The following CDKL1 variants were observed in gnomAD, a reference collection of about 807,000 sequenced individuals.
CDKL1 encodes cyclin-dependent kinase-like 1.
In CDKL1, 41 loss-of-function variants were observed where a neutral mutation model predicts 42.0. The observed-to-expected ratio is 0.98, with a 90% confidence interval of 0.76 to 1.27. The LOEUF (loss-of-function observed/expected upper bound fraction) is 1.27, where lower values mean the gene tolerates loss of function less well. Among genes scored for constraint, CDKL1 ranks in the 50% most tolerant of loss-of-function variants. CDKL1 has a pLI of 0.00. For synonymous variants in CDKL1, 153 were observed against 158.6 expected, an observed-to-expected ratio of 0.96 and a Z score of 0.26; for missense variants, 394 against 428.4, an observed-to-expected ratio of 0.92 and a Z score of 0.71.
chr14:50,384,907 C>A (rs560050917), intron 2 of CDKL1, among the ~76,000 whole-genome samples: 1 of 151,502 alleles, frequency 6.6e-6, no homozygotes, highest in South Asian at 2.1e-4. Flanking sequence ...CCCGTCTCTA[C>A]TAAAAATGCA....
Position 50,395,968 on chromosome 14 carries a change from TGAGGTCAG to T in CDKL1, c.-108_-101del, listed in dbSNP as rs1039299866. 6 of 1,164,700 alleles carry T rather than the reference TGAGGTCAG, an allele frequency of 5.2e-6. 1 individual carries two copies. The Admixed American group carries it at 1.2e-4, about 23-fold the overall frequency. 72.1% of individuals were successfully genotyped at this position (1,164,700 alleles called of 1,614,324 possible). A position where few individuals can be genotyped will look rare whatever the true frequency, so the allele number is the denominator to read the frequency against. On this transcript the variant is annotated 5_prime_UTR_variant, in exon 2 of 10. It removes the in-frame stop codon of an upstream open reading frame in the 5' UTR. Coordinates refer to ENST00000395834, the MANE Select transcript of CDKL1 (RefSeq NM_004196.7). ...GGGAGGCTGAGGCGGGCAGATCACCTGAGGTCAGGAGTTCGAGACCAGTCTGGCCAACA... is the reference window on the plus strand; with the variant it reads ...GGGAGGCTGAGGCGGGCAGATCACCTGAGTTCGAGACCAGTCTGGCCAACA...
At chr14:50,365,592 C>T (rs1317744320) in intron 2 of CDKL1, among the ~76,000 whole-genome samples, 2 of 152,080 alleles carry the variant, frequency 1.3e-5, no homozygotes, top group Non-Finnish European at 2.9e-5. Flanking sequence ...GAAGCCAGTC[C>T]CCGTCTAGCT....
chr14:50,392,554 G>A lies in CDKL1; in HGVS notation c.168+3147C>T, dbSNP rs1033587418. Among the ~76,000 whole-genome samples, 4 of 151,792 alleles carry A rather than the reference G, an allele frequency of 2.6e-5. No homozygotes were observed. In the East Asian group the frequency reaches 5.8e-4, roughly 22 times the overall value. On this transcript the variant is annotated intron_variant, in intron 2 of 9. Coordinates refer to ENST00000395834, the MANE Select transcript of CDKL1 (RefSeq NM_004196.7). ...ATCGCCTCTTCTTGCCTCCCTTGCCGGTTCCTTTTCATCTTCCTGACCCCC... is the reference window on the plus strand; with the variant it reads ...ATCGCCTCTTCTTGCCTCCCTTGCCAGTTCCTTTTCATCTTCCTGACCCCC...
Position 50,329,880 on chromosome 14 carries a change from G to T in CDKL1, c.*194C>A. The T allele has an allele frequency of 1.6e-6, 1 of 626,820 alleles. No homozygotes were observed. 38.8% of individuals were successfully genotyped at this position (626,820 alleles called of 1,614,324 possible). On this transcript the variant is annotated 3_prime_UTR_variant, in exon 10 of 10. Transcript: ENST00000395834. ...CTCCAAACAGGTTTTTTCTTTTCTG[G>T]ACACCATCATCAAGCATGGAAGACT...
At chr14:50,385,209 G>A (rs1334106464) in intron 2 of CDKL1, among the ~76,000 whole-genome samples, 3 of 150,096 alleles carry the variant, frequency 2.0e-5, no homozygotes, top group African/African-American at 7.3e-5. Context: ...TTTTACAATT[G>A]AGAAATATGG....
intron 2 of CDKL1, chr14:50,390,195 A>G (rs1285550074): frequency 7.3e-7 from 1 of 1,365,606 alleles, no homozygotes; most frequent in Admixed American, 1.9e-5. Flanking sequence ...CTGGAGGGAG[A>G]CATGTCATAG....
upstream of CDKL1, chr14:50,397,180 G>A (rs1193333667): frequency 2.2e-6 from 3 of 1,366,472 alleles, no homozygotes; most frequent in Non-Finnish European, 2.9e-6. Context: ...AGCCCCTCCT[G>A]AGCGGTCCAC....
intron 2 of CDKL1, among the ~76,000 whole-genome samples, chr14:50,370,744 C>T (rs1262374151): frequency 1.3e-5 from 2 of 152,120 alleles, no homozygotes; most frequent in East Asian, 3.8e-4. Flanking sequence ...TGTCACATGG[C>T]AAAACCAAGA....
chr14:50,361,928 T>G (rs2034261631), intron 2 of CDKL1, among the ~76,000 whole-genome samples: 1 of 152,190 alleles, frequency 6.6e-6, no homozygotes, highest in African/African-American at 2.4e-5. Flanking sequence ...CGGAGCCGGC[T>G]CCCTCAGCTT....
chr14:50,338,874 G>T, intron 7 of CDKL1, 73 bp downstream of exon 7: 1 of 952,032 alleles, frequency 1.1e-6, no homozygotes, highest in Non-Finnish European at 1.7e-6. Context: ...GAGCCATGGG[G>T]CTCAGGAGGT....
At chr14:50,387,035 A>AAAAAG (rs1383027864) in intron 2 of CDKL1, among the ~76,000 whole-genome samples, 1 of 151,308 alleles carries the variant, frequency 6.6e-6, no homozygotes, top group Non-Finnish European at 1.5e-5. Flanking sequence ...TCAAAAAGAA[A>AAAAAG]AAAAAAAAAA....
rs139891652 is a variant in CDKL1, at chr14:50,336,454, A to G, written c.739-1833T>C. On this transcript the variant is annotated intron_variant, in intron 7 of 9. Transcript: ENST00000395834. ...AAGGAAGCCAGATGGGTCACCTCCC[A>G]TATGTCAGGTGTCATTCCTGCCCCT... 1.2e-4 allele frequency among the ~76,000 whole-genome samples: 19 copies of G among 152,296 alleles called. No individual in the cohort carries two copies. In the East Asian group the frequency reaches 3.7e-3, roughly 29 times the overall value.
chr14:50,339,050 AG>A (rs2033412698), intron 6 of CDKL1, 21 bp from the exon 7 acceptor site: 1 of 1,533,654 alleles, frequency 6.5e-7, no homozygotes, highest in African/African-American at 1.4e-5. Context: ...GAAAAGAAAA[AG>A]GTAAGTGAAA....
chr14:50,376,783 G>C (rs923485612), intron 2 of CDKL1, among the ~76,000 whole-genome samples: 1 of 152,060 alleles, frequency 6.6e-6, no homozygotes, highest in Non-Finnish European at 1.5e-5. Context: ...GTAAGATCTG[G>C]GATTATATAC....
At chr14:50,334,689 C>A in intron 7 of CDKL1, 68 bp from the exon 8 acceptor site, 1 of 989,814 alleles carries the variant, frequency 1.0e-6, no homozygotes, top group Non-Finnish European at 1.6e-6. Context: ...CAAATTAAAT[C>A]TTTTGATAGA....
intron 2 of CDKL1, among the ~76,000 whole-genome samples, chr14:50,391,388 G>T (rs2035252671): frequency 6.6e-6 from 1 of 152,022 alleles, no homozygotes; most frequent in Admixed American, 6.6e-5. Context: ...ATTAAGGAGA[G>T]TGTATGTAAA....
intron 2 of CDKL1, among the ~76,000 whole-genome samples, chr14:50,387,274 C>A (rs1374159446): frequency 1.3e-5 from 2 of 151,072 alleles, no homozygotes; most frequent in African/African-American, 4.9e-5. Flanking sequence ...GTAATCCCAG[C>A]ACTTTGGGAG....
chr14:50,384,792 A>G (rs2035023971), intron 2 of CDKL1, among the ~76,000 whole-genome samples: 1 of 151,738 alleles, frequency 6.6e-6, no homozygotes, highest in African/African-American at 2.4e-5. Context: ...GATGCCGGCT[A>G]TGGCGGCTCG....
chr14:50,378,511 T>A, intron 2 of CDKL1: 1 of 1,149,028 alleles, frequency 8.7e-7, no homozygotes, highest in Non-Finnish European at 1.2e-6. Context: ...CAAGGACACC[T>A]GCAGACAGTT....
Sources: gnomAD v4.1 joint callset for allele counts (sites outside exome capture counted in the v4.1 genomes callset) on GRCh38, gnomAD v4.1.1 for gene constraint, MANE v1.5 for transcripts, NCBI Gene and HGNC (gene_info 2026-07-23, HGNC 2026-07-21) for gene names.